The following GRID2 variants were observed in gnomAD, a reference collection of about 807,000 sequenced individuals.
GRID2 encodes the protein glutamate ionotropic receptor delta type subunit 2, also known as glutamate receptor ionotropic, delta-2.
In GRID2, 33 loss-of-function variants were observed where a neutral mutation model predicts 114.8. That is an observed-to-expected ratio of 0.29 (90% CI 0.22 to 0.38). The LOEUF (loss-of-function observed/expected upper bound fraction) is 0.38. Ranked by LOEUF, GRID2 falls within the 10% of genes least tolerant of loss-of-function variation. The probability of loss-of-function intolerance (pLI) is 1.00; values close to 1 mark genes in which losing one functional copy is unlikely to be tolerated. For synonymous variants in GRID2, 505 were observed against 449.9 expected, an observed-to-expected ratio of 1.12 and a Z score of -1.55; for missense variants, 1,184 against 1,257.7, an observed-to-expected ratio of 0.94 and a Z score of 0.89.
intron 1 of GRID2, among the ~76,000 whole-genome samples, chr4:93,802,316 G>A (rs182860714): frequency 4.0e-4 from 61 of 152,198 alleles, no homozygotes; most frequent in African/African-American, 1.0e-3. Flanking sequence ...TGAGGGGAGC[G>A]TCAAAACCAG....
At chr4:93,413,978 C>A (rs1767458737) in intron 9 of GRID2, among the ~76,000 whole-genome samples, 1 of 152,122 alleles carries the variant, frequency 6.6e-6, no homozygotes, top group South Asian at 2.1e-4. Flanking sequence ...ATTATTATGA[C>A]ACATACTCCA....
chr4:93,272,882 T>A (rs893680689), intron 8 of GRID2, among the ~76,000 whole-genome samples: 1 of 152,162 alleles, frequency 6.6e-6, no homozygotes, highest in Non-Finnish European at 1.5e-5. Context: ...ATTGGTGCAA[T>A]CTGTAATAAA....
At chr4:92,358,636 G>A (rs1366205742) in intron 1 of GRID2, among the ~76,000 whole-genome samples, 3 of 151,890 alleles carry the variant, frequency 2.0e-5, no homozygotes, top group African/African-American at 7.2e-5. Flanking sequence ...TATATCAAAA[G>A]GGATAACTTT....
At chr4:93,215,105 A>T (rs1333203096) in intron 5 of GRID2, among the ~76,000 whole-genome samples, 1 of 152,070 alleles carries the variant, frequency 6.6e-6, no homozygotes, top group Non-Finnish European at 1.5e-5. Flanking sequence ...CTTAACATAT[A>T]GTAGATACTT....
At chr4:93,750,121 T>A (rs768756024) in intron 14 of GRID2, among the ~76,000 whole-genome samples, 1 of 152,208 alleles carries the variant, frequency 6.6e-6, no homozygotes, top group Non-Finnish European at 1.5e-5. Flanking sequence ...CTGTAGTTGG[T>A]GCTACAGAAC....
At chr4:92,936,611 A>T (rs943713161) in intron 2 of GRID2, among the ~76,000 whole-genome samples, 3 of 146,052 alleles carry the variant, frequency 2.1e-5, no homozygotes, top group Non-Finnish European at 3.0e-5. Context: ...AAACTTCAAC[A>T]TCAAATTTGT....
At chr4:92,771,511 A>C (rs1287838493) in intron 2 of GRID2, among the ~76,000 whole-genome samples, 1 of 152,050 alleles carries the variant, frequency 6.6e-6, no homozygotes, top group Non-Finnish European at 1.5e-5. Context: ...TTTTGGTTGG[A>C]GTGTGAATGT....
At chr4:92,588,678 C>CAAAAAAAAA (rs1209254541) in intron 1 of GRID2, among the ~76,000 whole-genome samples, 31 of 70,296 alleles carry the variant, frequency 4.4e-4, no homozygotes, top group Admixed American at 7.0e-4. Context: ...GACTCCGTCT[C>CAAAAAAAAA]AAAAAAAAAA....
At chr4:92,659,881 GT>G (rs1732438425) in intron 2 of GRID2, among the ~76,000 whole-genome samples, 1 of 151,308 alleles carries the variant, frequency 6.6e-6, no homozygotes, top group African/African-American at 2.4e-5. Flanking sequence ...TTTTTCTTTA[GT>G]TAGTACATTC....
At chr4:93,237,873 CA>C (rs1425201830) in intron 7 of GRID2, among the ~76,000 whole-genome samples, 1 of 151,476 alleles carries the variant, frequency 6.6e-6, no homozygotes, top group East Asian at 1.9e-4. Context: ...AAAGAAGGGG[CA>C]AAAAAATCAC....
chr4:93,787,933 G>A (rs1437731949), intron 1 of GRID2, among the ~76,000 whole-genome samples: 1 of 152,090 alleles, frequency 6.6e-6, no homozygotes, highest in Non-Finnish European at 1.5e-5. Context: ...TTTTGTATGT[G>A]GAGTGAAAAA....
intron 1 of GRID2, among the ~76,000 whole-genome samples, chr4:92,568,442 C>T (rs985312298): frequency 6.6e-6 from 1 of 151,938 alleles, no homozygotes; most frequent in African/African-American, 2.4e-5. Flanking sequence ...TTGTTGGTTC[C>T]TCAGATATGT....
intron 8 of GRID2, among the ~76,000 whole-genome samples, chr4:93,353,855 AAAG>A (rs1248504894): frequency 1.3e-5 from 2 of 152,036 alleles, no homozygotes; most frequent in African/African-American, 4.8e-5. Context: ...CTTAGACAGC[AAAG>A]AAGATAATGT....
intron 2 of GRID2, among the ~76,000 whole-genome samples, chr4:92,652,806 A>AAAAT (rs1553912723): frequency 3.0e-4 from 41 of 136,080 alleles, no homozygotes; most frequent in African/African-American, 1.0e-3. Context: ...TGAAAAAAAA[A>AAAAT]ATATATATAT....
intron 8 of GRID2, among the ~76,000 whole-genome samples, chr4:93,274,046 AC>A (rs1751789457): frequency 6.6e-6 from 1 of 151,358 alleles, no homozygotes; most frequent in African/African-American, 2.4e-5. Flanking sequence ...TTGAAAAAAT[AC>A]TTTTTCTTTT....
At chr4:92,700,751 G>A (rs1024319844) in intron 2 of GRID2, among the ~76,000 whole-genome samples, 1 of 152,136 alleles carries the variant, frequency 6.6e-6, no homozygotes, top group African/African-American at 2.4e-5. Context: ...CCAGCACTTT[G>A]GGAGACCGAG....
chr4:93,435,918 G>A (rs994787020), intron 10 of GRID2, among the ~76,000 whole-genome samples: 2 of 152,112 alleles, frequency 1.3e-5, no homozygotes, highest in African/African-American at 4.8e-5. Context: ...TATAGATGAA[G>A]TTTAAATTGC....
chr4:93,700,916 TTC>T (rs1727452429), intron 14 of GRID2, among the ~76,000 whole-genome samples: 1 of 152,132 alleles, frequency 6.6e-6, no homozygotes, highest in African/African-American at 2.4e-5. Context: ...TCCTTTTTTT[TTC>T]TCCTTTTAAT....
At chr4:92,475,112 A>G (rs1483174807) in intron 1 of GRID2, among the ~76,000 whole-genome samples, 1 of 133,840 alleles carries the variant, frequency 7.5e-6, no homozygotes, top group Admixed American at 7.4e-5. Flanking sequence ...TAAAACTTAA[A>G]GTATAATAAT....
Sources: allele counts gnomAD v4.1 joint callset (sites outside exome capture counted in the v4.1 genomes callset), GRCh38; gene constraint gnomAD v4.1.1; transcripts MANE v1.5; gene names NCBI Gene and HGNC (gene_info 2026-07-23, HGNC 2026-07-21).